The following GNB5 variants were observed in gnomAD, a reference collection of about 807,000 sequenced individuals.
GNB5 encodes guanine nucleotide-binding protein subunit beta-5.
A neutral mutation model predicts 55.3 loss-of-function variants in GNB5; 37 were observed. The observed-to-expected ratio is 0.67, with a 90% CI of 0.51 to 0.88. GNB5 has a LOEUF of 0.88. Among genes scored for constraint, GNB5 ranks in the 40% least tolerant of loss-of-function variants. The probability of loss-of-function intolerance (pLI) is 0.00; values close to 1 mark genes in which losing one functional copy is unlikely to be tolerated. For missense variants in GNB5, 476 were observed against 515.3 expected (o/e 0.92, Z 0.74); for synonymous variants, 219 against 198.5 (o/e 1.10, Z -0.87).
At chr15:52,189,980 G>A (rs541569439) in intron 1 of GNB5, among the ~76,000 whole-genome samples, 38 of 152,052 alleles carry the variant, frequency 2.5e-4, no homozygotes, top group Non-Finnish European at 4.7e-4. Flanking sequence ...TTTCTTTTTC[G>A]GGGTGATGAA....
intron 3 of GNB5, among the ~76,000 whole-genome samples, chr15:52,178,780 C>T (rs1322099434): frequency 6.6e-6 from 1 of 152,182 alleles, no homozygotes; most frequent in East Asian, 1.9e-4. Flanking sequence ...AAGGTAAAGG[C>T]CCTAGCACGA....
chr15:52,139,994 G>C, intron 7 of GNB5: 11 of 1,245,052 alleles, frequency 8.8e-6, no homozygotes, highest in Non-Finnish European at 1.0e-5. Flanking sequence ...TCTCATTTTG[G>C]CCACTGCACC....
chr15:52,149,673 C>T (rs1446592280), intron 5 of GNB5: 1 of 635,652 alleles, frequency 1.6e-6, no homozygotes, highest in Non-Finnish European at 2.9e-6. Context: ...TCTAATTGTC[C>T]TCTTGGGGCG....
chr15:52,179,729 G>A (rs758872451), intron 3 of GNB5, 39 bp downstream of exon 3: 2 of 927,414 alleles, frequency 2.2e-6, no homozygotes, highest in Admixed American at 3.0e-5. Flanking sequence ...GTGGCGAGCC[G>A]GTCCGGCTTG....
rs1307408798 is a variant in GNB5, at chr15:52,182,690, A to C, written c.126+1861T>G. Among the ~76,000 whole-genome samples the C allele has an allele frequency of 3.3e-5, 5 of 152,312 alleles. No homozygotes were observed. The East Asian group carries it at 9.6e-4, about 29-fold the overall frequency. On this transcript the variant is annotated intron_variant, in intron 2 of 12. Coordinates refer to ENST00000261837, the MANE Select transcript of GNB5 (RefSeq NM_016194.4). ...GGGGACTGTGTCTACATAATCCCAA[A>C]CAGTTGGATGAAAGGCCAGCTGTCA...
At chr15:52,137,174 T>G (rs1247433344) in intron 7 of GNB5, 1 of 1,012,648 alleles carries the variant, frequency 9.9e-7, no homozygotes, top group South Asian at 1.7e-5. Flanking sequence ...TCTCCCTTAC[T>G]GTGGCAGGTC....
chr15:52,148,314 A>G lies in GNB5; in HGVS notation c.418-779T>C, dbSNP rs746694349. ...TATGAGCCCTAAACCATCCCAGGGA[A>G]GGTATGAATGGGTCAGGGGAGGGGA... On this transcript the variant is annotated intron_variant, in intron 5 of 12. Coordinates refer to ENST00000261837, the MANE Select transcript of GNB5 (RefSeq NM_016194.4). Among the ~76,000 whole-genome samples the G allele has an allele frequency of 1.1e-4, 17 of 152,326 alleles. 1 individual carries two copies. The highest frequency in any genetic ancestry group is 2.4e-4 in the Non-Finnish European group (16 of 68,024).
At chr15:52,173,180 A>G (rs960244959) in intron 3 of GNB5, among the ~76,000 whole-genome samples, 1 of 152,202 alleles carries the variant, frequency 6.6e-6, no homozygotes, top group Non-Finnish European at 1.5e-5. Flanking sequence ...AAATGAATGA[A>G]AGTAATTTTA....
At chr15:52,156,227 A>G (rs1315460013) in intron 3 of GNB5, among the ~76,000 whole-genome samples, 5 of 152,232 alleles carry the variant, frequency 3.3e-5, no homozygotes, top group African/African-American at 9.6e-5. Flanking sequence ...AGCCCCGTCA[A>G]GCAGGTTCCC....
intron 8 of GNB5, among the ~76,000 whole-genome samples, chr15:52,134,661 G>A (rs1354795888): frequency 6.6e-6 from 1 of 152,198 alleles, no homozygotes; most frequent in Non-Finnish European, 1.5e-5. Context: ...GCTAACTACA[G>A]CTCATACAGC....
Position 52,128,590 on chromosome 15 carries a change from C to T in GNB5, c.864-346G>A, listed in dbSNP as rs533075790. ...ATAAGAAAGTGGTTATGAGCACAGA[C>T]ACTGAATCAGACGCACAAAGCCACA... On this transcript the variant is annotated intron_variant, in intron 9 of 12. Coordinates refer to ENST00000261837, the MANE Select transcript of GNB5 (RefSeq NM_016194.4). 14 of 542,320 alleles carry T rather than the reference C, an allele frequency of 2.6e-5. No homozygotes were observed. The East Asian group carries it at 6.0e-4, about 23-fold the overall frequency. 33.6% of individuals were successfully genotyped at this position (542,320 alleles called of 1,614,324 possible). A position where few individuals can be genotyped will look rare whatever the true frequency, so the allele number is the denominator to read the frequency against.
intron 3 of GNB5, among the ~76,000 whole-genome samples, chr15:52,167,243 G>C (rs773965308): frequency 6.6e-6 from 1 of 152,142 alleles, no homozygotes; most frequent in Non-Finnish European, 1.5e-5. Context: ...AATTTTACCA[G>C]AGGTACAAAG....
chr15:52,144,342 G>C (rs1388422907), intron 6 of GNB5: 1 of 152,208 alleles, frequency 6.6e-6, no homozygotes, highest in African/African-American at 2.4e-5. Context: ...ATTTAGAACT[G>C]CATATCTAAT....
At chr15:52,158,184 G>C (rs1018424497) in intron 3 of GNB5, among the ~76,000 whole-genome samples, 11 of 152,024 alleles carry the variant, frequency 7.2e-5, no homozygotes, top group Non-Finnish European at 8.8e-5. Flanking sequence ...AAAAATCCAG[G>C]CTCTGGATTT....
chr15:52,178,138 G>C (rs1042981154), intron 3 of GNB5, among the ~76,000 whole-genome samples: 10 of 152,154 alleles, frequency 6.6e-5, no homozygotes, highest in African/African-American at 2.4e-4. Flanking sequence ...AGCTCAAAAC[G>C]GGTTTGGCGA....
chr15:52,127,732 A>G lies in GNB5; in HGVS notation c.912+464T>C, dbSNP rs141815814. 4.1e-3 allele frequency among the ~76,000 whole-genome samples: 627 copies of G among 152,090 alleles called. 5 individuals carry two copies. The highest frequency in any genetic ancestry group is 0.015 in the African/African-American group (610 of 41,508). On this transcript the variant is annotated intron_variant, in intron 10 of 12. Transcript: ENST00000261837. ...TATCAAAAGCCTTAAAACTGGGTCT[A>G]TTTATGGCTCAGCAAGTTATGTCTG...
intron 3 of GNB5, among the ~76,000 whole-genome samples, chr15:52,179,203 G>C (rs999944305): frequency 1.3e-5 from 2 of 152,180 alleles, no homozygotes; most frequent in Non-Finnish European, 2.9e-5. Flanking sequence ...GTTGAATTTA[G>C]TGAGCTCCTC....
intron 3 of GNB5, among the ~76,000 whole-genome samples, chr15:52,175,278 CCG>C (rs2034629228): frequency 6.6e-6 from 1 of 152,348 alleles, no homozygotes; most frequent in African/African-American, 2.4e-5. Context: ...CTGGTGTCAG[CCG>C]CATACCCTAA....
intron 4 of GNB5, among the ~76,000 whole-genome samples, chr15:52,153,206 G>A (rs779082064): frequency 9.2e-5 from 14 of 152,194 alleles, no homozygotes; most frequent in Non-Finnish European, 1.8e-4. Flanking sequence ...TGGATCACTC[G>A]CTCTGGGAGA....
Sources: gnomAD v4.1 joint callset for allele counts (sites outside exome capture counted in the v4.1 genomes callset) on GRCh38, gnomAD v4.1.1 for gene constraint, MANE v1.5 for transcripts, NCBI Gene and HGNC (gene_info 2026-07-23, HGNC 2026-07-21) for gene names.